Variants in NME7 observed in about 807,000 individuals in gnomAD.
The protein encoded by NME7 is NME/NM23 family member 7.
Under a neutral mutation model 49.1 loss-of-function variants are expected in NME7, and 41 were observed. The observed-to-expected ratio is 0.83, with a 90% CI of 0.65 to 1.08. NME7 has a LOEUF of 1.08. NME7 is among the 50% of genes least tolerant of loss of function. The probability of loss-of-function intolerance (pLI) is 0.00; values close to 1 mark genes in which losing one functional copy is unlikely to be tolerated. For missense variants in NME7, 423 were observed against 463.4 expected, an observed-to-expected ratio of 0.91 and a Z score of 0.80; for synonymous variants, 139 against 150.6, an observed-to-expected ratio of 0.92 and a Z score of 0.56.
intron 1 of NME7, among the ~76,000 whole-genome samples, chr1:169,351,472 A>C (rs1653167598): frequency 6.6e-6 from 1 of 152,098 alleles, no homozygotes; most frequent in South Asian, 2.1e-4. Flanking sequence ...TACATTAAAA[A>C]AAAAGAGAGA....
chr1:169,227,617 T>C (rs544940368), intron 10 of NME7, among the ~76,000 whole-genome samples: 1 of 152,172 alleles, frequency 6.6e-6, no homozygotes, highest in South Asian at 2.1e-4. Context: ...TATCACATGG[T>C]GATAGGGCAA....
chr1:169,138,538 T>C (rs1406615681), intron 11 of NME7, among the ~76,000 whole-genome samples: 1 of 151,870 alleles, frequency 6.6e-6, no homozygotes, highest in Non-Finnish European at 1.5e-5. Context: ...AGAAAGACTC[T>C]GTCTCTACAA....
intron 1 of NME7, among the ~76,000 whole-genome samples, chr1:169,333,169 T>G (rs1037974786): frequency 6.6e-6 from 1 of 152,138 alleles, no homozygotes; most frequent in Non-Finnish European, 1.5e-5. Flanking sequence ...GGGATGGAAC[T>G]GGAGATCATT....
intron 11 of NME7, among the ~76,000 whole-genome samples, chr1:169,153,270 A>G (rs1234924710): frequency 6.6e-6 from 1 of 152,158 alleles, no homozygotes; most frequent in Non-Finnish European, 1.5e-5. Context: ...TGCTTAGTAA[A>G]TTAAAGTTAT....
intron 9 of NME7, among the ~76,000 whole-genome samples, chr1:169,233,308 C>G (rs928483737): frequency 3.9e-5 from 6 of 151,978 alleles, no homozygotes; most frequent in Admixed American, 1.3e-4. Flanking sequence ...CTAGAACACT[C>G]AAAAATAATT....
chr1:169,285,598 T>G (rs1650249904), intron 7 of NME7: 1 of 152,080 alleles, frequency 6.6e-6, no homozygotes, highest in Non-Finnish European at 1.5e-5. Flanking sequence ...CAATTTCCAT[T>G]CCAAATTAGG....
At chr1:169,350,918 C>T (rs897188648) in intron 1 of NME7, among the ~76,000 whole-genome samples, 7 of 152,066 alleles carry the variant, frequency 4.6e-5, no homozygotes, top group Non-Finnish European at 1.0e-4. Flanking sequence ...GTTTCTTTAG[C>T]TATAAAATTT....
chr1:169,173,882 T>C (rs1209520912), intron 10 of NME7, among the ~76,000 whole-genome samples: 1 of 152,174 alleles, frequency 6.6e-6, no homozygotes, highest in African/African-American at 2.4e-5. Flanking sequence ...ATACCATAAA[T>C]AATTCTTAAA....
chr1:169,165,576 A>G (rs1371072376), intron 11 of NME7, among the ~76,000 whole-genome samples: 3 of 152,178 alleles, frequency 2.0e-5, no homozygotes, highest in Non-Finnish European at 4.4e-5. Context: ...TTAATTGGGC[A>G]ATAAATTTTA....
In NME7 at chr1:169,153,382, T is replaced by C. The variant is rs545409880; in HGVS notation, c.1098+16065A>G. On this transcript the variant is annotated intron_variant, in intron 11 of 11. Transcript: ENST00000367811. ...TTTACATTTCCAAATTTATCTCCCA[T>C]ACTCTACCAAAGGAACCCTCCACTT... Among the ~76,000 whole-genome samples the C allele has an allele frequency of 9.8e-5, 15 of 152,310 alleles. No homozygotes were observed. The South Asian group carries it at 3.1e-3, about 32-fold the overall frequency.
chr1:169,331,293 T>C (rs1421184589), intron 1 of NME7, among the ~76,000 whole-genome samples: 1 of 152,156 alleles, frequency 6.6e-6, no homozygotes, highest in Non-Finnish European at 1.5e-5. Context: ...CTCAAAAAAC[T>C]GAATATAGAA....
At chr1:169,355,256 T>TA (rs1653410190) in intron 1 of NME7, among the ~76,000 whole-genome samples, 14 of 20,554 alleles carry the variant, frequency 6.8e-4, no homozygotes, top group Admixed American at 1.3e-3. Flanking sequence ...ATATTATATC[T>TA]ATATATAATA....
chr1:169,205,485 A>G (rs959933878), intron 10 of NME7, among the ~76,000 whole-genome samples: 9 of 152,166 alleles, frequency 5.9e-5, no homozygotes, highest in Admixed American at 6.6e-5. Flanking sequence ...AGAAAAATCC[A>G]TATTTATGGA....
chr1:169,240,574 C>A (rs1648048109), intron 7 of NME7, among the ~76,000 whole-genome samples: 1 of 151,920 alleles, frequency 6.6e-6, no homozygotes, highest in Non-Finnish European at 1.5e-5. Context: ...TACCCTGTTA[C>A]ATTAAAATCC....
Position 169,165,717 on chromosome 1 carries a change from T to C in NME7, c.1098+3730A>G, listed in dbSNP as rs988166706. On this transcript the variant is annotated intron_variant, in intron 11 of 11. Coordinates refer to ENST00000367811, the MANE Select transcript of NME7 (RefSeq NM_013330.5). ...TGAAGACCTATAGCCAGATACCTCA[T>C]TTGGCCTTTATGTATTTTCATAATA... Among the ~76,000 whole-genome samples, 4 of 152,232 alleles carry C rather than the reference T, an allele frequency of 2.6e-5. No homozygotes were observed. In the East Asian group the frequency reaches 5.8e-4, roughly 22 times the overall value.
In NME7 at chr1:169,292,399, C is replaced by A. The variant is rs182063238; in HGVS notation, c.649-4991G>T. On this transcript the variant is annotated intron_variant, in intron 6 of 11. Transcript: ENST00000367811. The stretch of plus-strand genomic sequence containing the variant: ...GAGGATGAAAATGCAAACCACATAC[C>A]ATGAGAAAATACTTGCAAATCATAT... 5.5e-3 allele frequency among the ~76,000 whole-genome samples: 835 copies of A among 152,182 alleles called. 8 individuals are homozygous for A. The highest frequency in any genetic ancestry group is 0.019 in the African/African-American group (799 of 41,506).
At chr1:169,297,916 CT>C (rs1650773667) in intron 6 of NME7, among the ~76,000 whole-genome samples, 1 of 152,136 alleles carries the variant, frequency 6.6e-6, no homozygotes, top group Non-Finnish European at 1.5e-5. Context: ...AAGGGACTTG[CT>C]GATGAAATGG....
intron 10 of NME7, among the ~76,000 whole-genome samples, chr1:169,188,204 G>GGA (rs1187237225): frequency 6.6e-6 from 1 of 151,978 alleles, no homozygotes; most frequent in Non-Finnish European, 1.5e-5. Flanking sequence ...AGTTCATCTT[G>GGA]GAGAGTACAT....
intron 7 of NME7, among the ~76,000 whole-genome samples, chr1:169,281,905 T>C (rs1397595739): frequency 6.6e-6 from 1 of 152,148 alleles, no homozygotes; most frequent in Non-Finnish European, 1.5e-5. Flanking sequence ...TGGCCTGAAA[T>C]TTTCTTTTTT....
Sources: allele counts gnomAD v4.1 joint callset (sites outside exome capture counted in the v4.1 genomes callset), GRCh38; gene constraint gnomAD v4.1.1; transcripts MANE v1.5; gene names NCBI Gene and HGNC (gene_info 2026-07-23, HGNC 2026-07-21).